Variants in IRGQ observed in about 807,000 individuals in gnomAD.
The protein encoded by IRGQ is immunity-related GTPase family Q protein.
In IRGQ, 5 loss-of-function variants were observed where a neutral mutation model predicts 10.5. The ratio of observed to expected loss-of-function variants is 0.48; its 90% CI spans 0.25 to 1.00. The LOEUF (loss-of-function observed/expected upper bound fraction) is 1.00. Ranked by LOEUF, IRGQ falls within the 50% of genes least tolerant of loss-of-function variation. The probability of loss-of-function intolerance (pLI) is 0.16; values close to 1 mark genes in which losing one functional copy is unlikely to be tolerated. For missense variants in IRGQ, 792 were observed against 877.7 expected, an observed-to-expected ratio of 0.90 and a Z score of 1.23; for synonymous variants, 418 against 426.0, an observed-to-expected ratio of 0.98 and a Z score of 0.23.
Position 43,594,893 on chromosome 19 carries a change from G to A in IRGQ, c.446C>T (p.Pro149Leu), listed in dbSNP as rs753767172. The change falls in exon 2 of 3, where the codon CCG becomes CTG. Residue 149 changes from proline to leucine, a missense_variant. By Grantham distance (98) the Pro-to-Leu change is moderately conservative. Transcript: ENST00000422989. ...GCCGTCGCTGCTGCCGCAGTTCGCC[G>A]GTAGCACAAACAGATCCGCAGCTCC... is the stretch of plus-strand genomic sequence containing the variant. ...GLGAADLFVLPANCGSSDGCE... is the reference protein window; with the variant it reads ...GLGAADLFVLLANCGSSDGCE... 51 of 1,613,798 alleles carry A rather than the reference G, an allele frequency of 3.2e-5. No individual in the cohort carries two copies. Among genetic ancestry groups the A allele is most frequent in the Non-Finnish European group, 4.1e-5 (48 of 1,179,930 alleles).
chr19:43,595,443 C>T, intron 1 of IRGQ, 103 bp from the exon 2 acceptor site: 2 of 1,103,654 alleles, frequency 1.8e-6, no homozygotes, highest in Non-Finnish European at 2.5e-6. Context: ...TCACCCTGTC[C>T]CCTTCGGTTC....
rs1008483432 is a variant in IRGQ at position 43,586,514 on chromosome 19, A to C, written c.*5512T>G. 12 of 152,216 alleles carry C rather than the reference A, an allele frequency of 7.9e-5. No individual in the cohort carries two copies. The allele number at this position is 152,216 out of a possible 1,614,324, so 9.4% of individuals were successfully genotyped here. A position where few individuals can be genotyped will look rare whatever the true frequency, so the allele number is the denominator to read the frequency against. The stretch of plus-strand genomic sequence containing the variant: ...TGCTTTCTCAGATATGATCTCTGGC[A>C]TGACTCCTGCTGGCATGAGGGCAGA... On this transcript the variant is annotated 3_prime_UTR_variant, in exon 3 of 3. Transcript: ENST00000422989.
chr19:43,592,288 G>A lies in IRGQ; in HGVS notation c.1610C>T (p.Ala537Val). 3 of 1,569,826 alleles carry A rather than the reference G, an allele frequency of 1.9e-6. No individual in the cohort carries two copies. The highest frequency in any genetic ancestry group is 2.6e-6 in the Non-Finnish European group (3 of 1,166,558). ...AGCGCGCGCTGCCAGCTCTCCAGAA[G>A]CCAGGCCCAGGGCACGCTCACGTCG... ...LARRERALGL[A>V]SGELAARAHF... The change falls in exon 3 of 3, where the codon GCT becomes GTT. Residue 537 changes from alanine to valine, a missense_variant. Coordinates refer to ENST00000422989, the MANE Select transcript of IRGQ (RefSeq NM_001007561.3).
At position 43,586,909 on chromosome 19, in the gene IRGQ, A is replaced by G. The variant is rs1250821885; in HGVS notation, c.*5117T>C. The G allele has an allele frequency of 1.3e-5, 2 of 152,216 alleles. No homozygotes were observed. Among genetic ancestry groups the G allele is most frequent in the African/African-American group, 4.8e-5 (2 of 41,452 alleles). The allele number at this position is 152,216 out of a possible 1,614,324, so 9.4% of individuals were successfully genotyped here. A position where few individuals can be genotyped will look rare whatever the true frequency, so the allele number is the denominator to read the frequency against. ...TAGAGCTAGACTGATAGAATTTTCTATGTTGATGGAAGTATTCTGTACCTT... is the reference window on the plus strand; with the variant it reads ...TAGAGCTAGACTGATAGAATTTTCTGTGTTGATGGAAGTATTCTGTACCTT... On this transcript the variant is annotated 3_prime_UTR_variant, in exon 3 of 3. Transcript: ENST00000422989.
In IRGQ at chr19:43,587,103, G is replaced by A. The variant is rs1265368918; in HGVS notation, c.*4923C>T. The A allele has an allele frequency of 1.3e-5, 2 of 152,216 alleles. No homozygotes were observed. Among genetic ancestry groups the A allele is most frequent in the Non-Finnish European group, 2.9e-5 (2 of 68,046 alleles). The allele number at this position is 152,216 out of a possible 1,614,324, so 9.4% of individuals were successfully genotyped here. A position where few individuals can be genotyped will look rare whatever the true frequency, so the allele number is the denominator to read the frequency against. On this transcript the variant is annotated 3_prime_UTR_variant, in exon 3 of 3. Coordinates refer to ENST00000422989, the MANE Select transcript of IRGQ (RefSeq NM_001007561.3). ...CCAGCACTTTGGGAGGCCGAGGTGG[G>A]CGGATCACCTGAGGTCAGCAGTTCA...
rs1292992934 is a variant in IRGQ at position 43,588,889 on chromosome 19, G to C, written c.*3137C>G. The C allele has an allele frequency of 6.6e-6, 1 of 152,204 alleles. No homozygotes were observed. Among genetic ancestry groups the C allele is most frequent in the Non-Finnish European group, 1.5e-5 (1 of 68,044 alleles). The allele number at this position is 152,204 out of a possible 1,614,324, so 9.4% of individuals were successfully genotyped here. On this transcript the variant is annotated 3_prime_UTR_variant, in exon 3 of 3. Transcript: ENST00000422989. ...TGAATATTCTTCCCCAAAGCTGAAA[G>C]AGCTTTCATGAAAATGCCTGGAGCC...
chr19:43,594,734 C>T, intron 2 of IRGQ, 75 bp downstream of exon 2: 1 of 1,318,302 alleles, frequency 7.6e-7, no homozygotes, highest in Non-Finnish European at 1.0e-6. Context: ...GGGGAGGGAT[C>T]TCATGGACCT....
Position 43,596,028 on chromosome 19 carries a change from G to C in IRGQ, c.-49C>G, listed in dbSNP as rs1262462297. On this transcript the variant is annotated 5_prime_UTR_variant, in exon 1 of 3. Coordinates refer to ENST00000422989, the MANE Select transcript of IRGQ (RefSeq NM_001007561.3). ...GGAGAGAGCGCAGTCGGTGGCAGTA[G>C]GTCAGCAGCTGAGAAGCCCGGCCCC... 1.3e-5 allele frequency: 2 copies of C among 152,274 alleles called. No homozygotes were observed. The highest frequency in any genetic ancestry group is 6.5e-5 in the Admixed American group (1 of 15,284). 9.4% of individuals were successfully genotyped at this position (152,274 alleles called of 1,614,324 possible).
chr19:43,589,463 G>A lies in IRGQ; in HGVS notation c.*2563C>T, dbSNP rs1973030855. On this transcript the variant is annotated 3_prime_UTR_variant, in exon 3 of 3. Coordinates refer to ENST00000422989, the MANE Select transcript of IRGQ (RefSeq NM_001007561.3). ...TTGGTGCTGTGTACCTATAGTCCCA[G>A]CTACTCTGTAGGCGGAGGTGGGAGG... The A allele has an allele frequency of 6.6e-6, 1 of 152,182 alleles. No homozygotes were observed. 9.4% of individuals were successfully genotyped at this position (152,182 alleles called of 1,614,324 possible).
rs1368219859 is a variant in IRGQ at position 43,594,910 on chromosome 19, C to T, written c.429G>A (p.Ala143=). 2 of 1,614,006 alleles carry T rather than the reference C, an allele frequency of 1.2e-6. No individual in the cohort carries two copies. The highest frequency in any genetic ancestry group is 1.1e-5 in the South Asian group (1 of 91,086). The part of the protein sequence containing the change: ...ALLNSAGLGA[A]DLFVLPANCG... Reference sequence around the variant, plus strand: ...AGTTCGCCGGTAGCACAAACAGATCCGCAGCTCCTAACCCCGCGCTGTTCA... The same window carrying T: ...AGTTCGCCGGTAGCACAAACAGATCTGCAGCTCCTAACCCCGCGCTGTTCA... Residue 143 remains alanine, a synonymous_variant, in exon 2 of 3, where the codon GCG becomes GCA. Transcript: ENST00000422989.
chr19:43,590,368 G>A lies in IRGQ; in HGVS notation c.*1658C>T, dbSNP rs745321694. On this transcript the variant is annotated 3_prime_UTR_variant, in exon 3 of 3. Coordinates refer to ENST00000422989, the MANE Select transcript of IRGQ (RefSeq NM_001007561.3). ...TGTCTACGACAAAAGGGATTCTATC[G>A]CTTGGATTCTCAGATCCTCCTTTTC... 1.6e-4 allele frequency: 25 copies of A among 152,206 alleles called. No homozygotes were observed. Among genetic ancestry groups the A allele is most frequent in the Non-Finnish European group, 2.8e-4 (19 of 68,046 alleles). 9.4% of individuals were successfully genotyped at this position (152,206 alleles called of 1,614,324 possible). A position where few individuals can be genotyped will look rare whatever the true frequency, so the allele number is the denominator to read the frequency against.
Position 43,592,526 on chromosome 19 carries a change from G to A in IRGQ, c.1372C>T (p.Leu458=), listed in dbSNP as rs1348250570. ...RALPPAQAGA[L]LLALPPASPS... ...GATGCTGGTGGCAACGCCAGCAGCA[G>A]TGCCCCTGCCTGGGCTGGGGGGAGC... The change falls in exon 3 of 3, where the codon CTG becomes TTG. Residue 458 remains leucine, a synonymous_variant. Transcript: ENST00000422989. 3.9e-5 allele frequency: 63 copies of A among 1,596,426 alleles called. No individual in the cohort carries two copies. The highest frequency in any genetic ancestry group is 5.3e-5 in the Non-Finnish European group (63 of 1,178,636).
rs923067893 is a variant in IRGQ at position 43,594,677 on chromosome 19, A to T, written c.530+132T>A. ...AGCGAGACCCTGTCTCTCAGGAAAA[A>T]AAAAAAAATAATAATAATAGAGCTA... On this transcript the variant is annotated intron_variant, in intron 2 of 2. Coordinates refer to ENST00000422989, the MANE Select transcript of IRGQ (RefSeq NM_001007561.3). 8.2e-5 allele frequency: 56 copies of T among 679,518 alleles called. No individual in the cohort carries two copies. In the African/African-American group the frequency reaches 9.3e-4, roughly 11 times the overall value. The allele number at this position is 679,518 out of a possible 1,614,324, so 42.1% of individuals were successfully genotyped here.
chr19:43,595,442 C>T (rs1024310307), intron 1 of IRGQ, 102 bp from the exon 2 acceptor site: 3 of 1,117,128 alleles, frequency 2.7e-6, no homozygotes, highest in Non-Finnish European at 3.7e-6. Flanking sequence ...TTCACCCTGT[C>T]CCCTTCGGTT....
chr19:43,589,927 A>C lies in IRGQ; in HGVS notation c.*2099T>G, dbSNP rs978899879. On this transcript the variant is annotated 3_prime_UTR_variant, in exon 3 of 3. Transcript: ENST00000422989. ...TTGAAGGAAAGAGAACAGCAGGTGC[A>C]TGGGTCCCCAGGCAGGACTCAAGGT... is the stretch of plus-strand genomic sequence containing the variant. The C allele has an allele frequency of 1.3e-5, 2 of 152,220 alleles. No homozygotes were observed. Among genetic ancestry groups the C allele is most frequent in the Non-Finnish European group, 2.9e-5 (2 of 68,114 alleles). 9.4% of individuals were successfully genotyped at this position (152,220 alleles called of 1,614,324 possible). A position where few individuals can be genotyped will look rare whatever the true frequency, so the allele number is the denominator to read the frequency against.
intron 2 of IRGQ, among the ~76,000 whole-genome samples, chr19:43,594,497 C>T (rs916503619): frequency 4.6e-5 from 7 of 151,696 alleles, no homozygotes; most frequent in African/African-American, 7.3e-5. Flanking sequence ...GAGCTAGGAT[C>T]GCGGCACTGC....
At chr19:43,595,704 T>C (rs1159573360) in intron 1 of IRGQ, among the ~76,000 whole-genome samples, 1 of 151,080 alleles carries the variant, frequency 6.6e-6, no homozygotes, top group Non-Finnish European at 1.5e-5. Context: ...TCTGGTAGAG[T>C]CTCCGTCTCG....
rs770944964 is a variant in IRGQ, at chr19:43,594,965, G to C, written c.374C>G (p.Ala125Gly). 4.3e-6 allele frequency: 7 copies of C among 1,614,046 alleles called. No homozygotes were observed. Among genetic ancestry groups the C allele is most frequent in the Non-Finnish European group, 5.9e-6 (7 of 1,179,960 alleles). Residue 125 changes from alanine to glycine, a missense_variant, in exon 2 of 3, where the codon GCC becomes GGC. Physicochemically the swap from Ala to Gly is moderately conservative, Grantham distance 60. Coordinates refer to ENST00000422989, the MANE Select transcript of IRGQ (RefSeq NM_001007561.3). ...NLRPGDSQTA[A>G]QARDQTAALL... is the part of the protein sequence containing the mutation. Reference sequence around the variant, plus strand: ...AGCTGCTGTCTGATCACGGGCCTGGGCGGCAGTCTGTGAATCCCCAGGACG... The same window carrying C: ...AGCTGCTGTCTGATCACGGGCCTGGCCGGCAGTCTGTGAATCCCCAGGACG...
In IRGQ at chr19:43,593,672, C is replaced by T. The variant is rs1307899581; in HGVS notation, c.531-305G>A. Among the ~76,000 whole-genome samples the T allele has an allele frequency of 6.6e-6, 1 of 152,052 alleles. No individual in the cohort carries two copies. The highest frequency in any genetic ancestry group is 1.5e-5 in the Non-Finnish European group (1 of 67,992). ...TTCCATGGAATACAGTATTTGGGGG[C>T]GGGGTTTTTCCAAGGGTCGGCTGTG... On this transcript the variant is annotated intron_variant, in intron 2 of 2. Transcript: ENST00000422989. The surrounding 1 kb of genome is among the most constrained non-coding windows in gnomAD (Gnocchi z 6.4).
Sources: gnomAD v4.1 joint callset for allele counts (sites outside exome capture counted in the v4.1 genomes callset) on GRCh38, gnomAD v4.1.1 for gene constraint, Gnocchi (gnomAD v3.1) non-coding constraint, MANE v1.5 for transcripts, NCBI Gene and HGNC (gene_info 2026-07-23, HGNC 2026-07-21) for gene names.